Variants in RAB31 observed in about 807,000 individuals in gnomAD.
The protein encoded by RAB31 is RAB31, member RAS oncogene family.
RAB31 carries 21 observed loss-of-function variants against 25.6 expected under a neutral mutation model. That is an observed-to-expected ratio of 0.82 (90% CI 0.58 to 1.18). The LOEUF is 1.18. RAB31 is among the 50% of genes most tolerant of loss of function. RAB31 has a pLI of 0.00. For missense variants in RAB31, 196 were observed against 250.1 expected (o/e 0.78, Z 1.46); for synonymous variants, 87 against 84.0 (o/e 1.04, Z -0.20).
At chr18:9,783,530 G>A (rs2068416415) in intron 2 of RAB31, among the ~76,000 whole-genome samples, 1 of 151,296 alleles carries the variant, frequency 6.6e-6, no homozygotes, top group African/African-American at 2.4e-5. Context: ...ATATACTGAA[G>A]AATAAATGAA....
At chr18:9,841,447 G>C (rs1377942323) in intron 5 of RAB31, among the ~76,000 whole-genome samples, 1 of 150,942 alleles carries the variant, frequency 6.6e-6, no homozygotes, top group African/African-American at 2.4e-5. Flanking sequence ...GCTGAGGCAG[G>C]AGAATGGCGT....
At chr18:9,742,918 CCACTAAAG>C (rs1338971096) in intron 1 of RAB31, among the ~76,000 whole-genome samples, 5 of 152,192 alleles carry the variant, frequency 3.3e-5, no homozygotes, top group Non-Finnish European at 5.9e-5. Context: ...AAAATCCAGT[CCACTAAAG>C]CACGAATGTT....
At chr18:9,823,954 C>G (rs1419660404) in intron 5 of RAB31, among the ~76,000 whole-genome samples, 1 of 152,188 alleles carries the variant, frequency 6.6e-6, no homozygotes, top group Non-Finnish European at 1.5e-5. Flanking sequence ...CTTGTTGACA[C>G]GTTTCTATGG....
intron 2 of RAB31, among the ~76,000 whole-genome samples, chr18:9,782,135 G>T (rs1022354381): frequency 6.6e-6 from 1 of 152,216 alleles, no homozygotes; most frequent in African/African-American, 2.4e-5. Context: ...GCTAGGTATT[G>T]TTACTATTAT....
At chr18:9,833,481 A>G (rs1419165303) in intron 5 of RAB31, among the ~76,000 whole-genome samples, 2 of 152,248 alleles carry the variant, frequency 1.3e-5, no homozygotes, top group Non-Finnish European at 2.9e-5. Flanking sequence ...GCCTCAGCAG[A>G]ACATCAGCCA....
At chr18:9,817,757 A>G (rs1017582827) in intron 5 of RAB31, among the ~76,000 whole-genome samples, 1 of 152,204 alleles carries the variant, frequency 6.6e-6, no homozygotes, top group Admixed American at 6.5e-5. Context: ...GCACAGGTAC[A>G]GCATTCTTCT....
At chr18:9,842,635 G>A (rs2068740056) in intron 5 of RAB31, among the ~76,000 whole-genome samples, 1 of 152,200 alleles carries the variant, frequency 6.6e-6, no homozygotes, top group Non-Finnish European at 1.5e-5. Flanking sequence ...GGATGGAGTA[G>A]GCTCCTGCCC....
intron 1 of RAB31, among the ~76,000 whole-genome samples, chr18:9,748,597 T>TG (rs1225132513): frequency 2.2e-3 from 204 of 93,718 alleles, no homozygotes; most frequent in African/African-American, 8.5e-3. Context: ...TGTTGATATT[T>TG]AAAAATATAA....
intron 2 of RAB31, chr18:9,786,693 C>T (rs949755607): frequency 6.6e-6 from 1 of 152,070 alleles, no homozygotes; most frequent in Non-Finnish European, 1.5e-5. Flanking sequence ...GGTGTGAGAA[C>T]AGAGGAAAAA....
chr18:9,798,315 G>A (rs540945832), intron 3 of RAB31, among the ~76,000 whole-genome samples: 1 of 150,626 alleles, frequency 6.6e-6, no homozygotes, highest in African/African-American at 2.5e-5. Flanking sequence ...TCCCCTGGTG[G>A]AGTCTTGCAT....
In RAB31 at chr18:9,782,704, TTTA is replaced by T. The variant is rs1381783298; in HGVS notation, c.119+7350_119+7352del. ...AAAAGATGCCTGAGGTTCTTATTTGTTTATTTGTTTGAGACAGGATCTTGCTCT... is the reference window on the plus strand; with the variant it reads ...AAAAGATGCCTGAGGTTCTTATTTGTTTTGTTTGAGACAGGATCTTGCTCT... On this transcript the variant is annotated intron_variant, in intron 2 of 6. Coordinates refer to ENST00000578921, the MANE Select transcript of RAB31 (RefSeq NM_006868.4). Among the ~76,000 whole-genome samples, 5 of 152,090 alleles carry T rather than the reference TTTA, an allele frequency of 3.3e-5. No individual in the cohort carries two copies. The South Asian group carries it at 8.3e-4, about 25-fold the overall frequency.
At chr18:9,838,606 C>G (rs2068716457) in intron 5 of RAB31, among the ~76,000 whole-genome samples, 1 of 152,178 alleles carries the variant, frequency 6.6e-6, no homozygotes, top group Non-Finnish European at 1.5e-5. Context: ...TGCCATGTTG[C>G]CAGGTTACTT....
chr18:9,751,866 T>A lies in RAB31; in HGVS notation c.40-23412T>A, dbSNP rs16955539. Among the ~76,000 whole-genome samples the A allele has an allele frequency of 8.9e-3, 1,361 of 152,230 alleles. 19 individuals are homozygous for A. The highest frequency in any genetic ancestry group is 0.03 in the African/African-American group (1,262 of 41,528). On this transcript the variant is annotated intron_variant, in intron 1 of 6. Coordinates refer to ENST00000578921, the MANE Select transcript of RAB31 (RefSeq NM_006868.4). The stretch of plus-strand genomic sequence containing the variant: ...CCTGCTGTCCAGCCATGAGAGAACA[T>A]CAGAGGGTCACAGCATACCCCAAGG...
At chr18:9,813,721 G>A (rs551511166) in intron 3 of RAB31, among the ~76,000 whole-genome samples, 1 of 152,206 alleles carries the variant, frequency 6.6e-6, no homozygotes, top group East Asian at 1.9e-4. Context: ...ATGTGGTGGT[G>A]CATGCCTGTA....
intron 1 of RAB31, among the ~76,000 whole-genome samples, chr18:9,772,920 G>A (rs2068352750): frequency 6.6e-6 from 1 of 152,164 alleles, no homozygotes; most frequent in Non-Finnish European, 1.5e-5. Context: ...TTGTGGTTTG[G>A]GGGACTGCGA....
chr18:9,740,657 G>T (rs2068173547), intron 1 of RAB31, among the ~76,000 whole-genome samples: 1 of 151,978 alleles, frequency 6.6e-6, no homozygotes, highest in Non-Finnish European at 1.5e-5. Context: ...AGGTTGCAGT[G>T]AGCCAAGATT....
At chr18:9,713,297 T>C (rs964584441) in intron 1 of RAB31, among the ~76,000 whole-genome samples, 1 of 152,164 alleles carries the variant, frequency 6.6e-6, no homozygotes, top group Non-Finnish European at 1.5e-5. Context: ...GACTGGCATT[T>C]CTTGGGGAAG....
rs535820896 is a variant in RAB31, at chr18:9,812,494, A to C, written c.202-1526A>C. ...ACCCACACCAACACTGAACAGCACAAATCTTTTTACAATTTAATAATTTAT... is the reference window on the plus strand; with the variant it reads ...ACCCACACCAACACTGAACAGCACACATCTTTTTACAATTTAATAATTTAT... On this transcript the variant is annotated intron_variant, in intron 3 of 6. Coordinates refer to ENST00000578921, the MANE Select transcript of RAB31 (RefSeq NM_006868.4). Among the ~76,000 whole-genome samples, 15 of 152,252 alleles carry C rather than the reference A, an allele frequency of 9.9e-5. No homozygotes were observed. The South Asian group carries it at 3.1e-3, about 32-fold the overall frequency.
intron 1 of RAB31, among the ~76,000 whole-genome samples, chr18:9,746,467 C>CAAAG (rs879293244): frequency 0.026 from 3,919 of 152,098 alleles, 152 homozygotes; most frequent in East Asian, 0.15. Flanking sequence ...CCAAAACAAT[C>CAAAG]TTGATAAAGA....
Sources: allele counts gnomAD v4.1 joint callset (sites outside exome capture counted in the v4.1 genomes callset), GRCh38; gene constraint gnomAD v4.1.1; transcripts MANE v1.5; gene names NCBI Gene and HGNC (gene_info 2026-07-23, HGNC 2026-07-21).